Variants in ERC2 observed in about 807,000 individuals in gnomAD.
The protein encoded by ERC2 is ERC protein 2.
In ERC2, 42 loss-of-function variants were observed where a neutral mutation model predicts 114.8. The observed-to-expected ratio is 0.37, with a 90% confidence interval of 0.29 to 0.47. The LOEUF is 0.47. Ranked by LOEUF, ERC2 falls within the 20% of genes least tolerant of loss-of-function variation. ERC2 has a pLI of 0.99. For synonymous variants in ERC2, 454 were observed against 425.5 expected (o/e 1.07, Z -0.82); for missense variants, 939 against 1,150.7 (o/e 0.82, Z 2.66).
intron 14 of ERC2, among the ~76,000 whole-genome samples, chr3:55,879,627 C>T (rs7618265): frequency 8.5e-5 from 13 of 152,110 alleles, no homozygotes; most frequent in Non-Finnish European, 1.5e-4. Context: ...CATACACATA[C>T]ATGTCTGTTA....
intron 2 of ERC2, among the ~76,000 whole-genome samples, chr3:56,418,320 C>T (rs1247477704): frequency 1.4e-5 from 2 of 147,180 alleles, no homozygotes; most frequent in Admixed American, 6.8e-5. Flanking sequence ...AAAAAGGATT[C>T]GGAAAGGGGA....
chr3:56,018,857 C>T, intron 8 of ERC2, 37 bp downstream of exon 8: 1 of 1,602,180 alleles, frequency 6.2e-7, no homozygotes, highest in Non-Finnish European at 8.5e-7. Context: ...TCTGTTTCCC[C>T]ATATCCTGAT....
chr3:56,271,532 CA>C (rs1560497852), intron 3 of ERC2, among the ~76,000 whole-genome samples: 2 of 152,108 alleles, frequency 1.3e-5, no homozygotes, highest in African/African-American at 4.8e-5. Context: ...GAATTAAGTA[CA>C]ATCACGGGCC....
chr3:56,302,834 A>T (rs901779380), intron 2 of ERC2, among the ~76,000 whole-genome samples: 23 of 152,196 alleles, frequency 1.5e-4, no homozygotes, highest in Non-Finnish European at 2.5e-4. Flanking sequence ...TGTGGCTTCC[A>T]TTCCACTGCA....
intron 13 of ERC2, among the ~76,000 whole-genome samples, chr3:55,946,475 A>G (rs1292050953): frequency 1.3e-5 from 2 of 152,190 alleles, no homozygotes; most frequent in Non-Finnish European, 2.9e-5. Flanking sequence ...GATACTCCCA[A>G]TGGTCACTGT....
chr3:55,570,854 G>A (rs750889959), intron 17 of ERC2, among the ~76,000 whole-genome samples: 7 of 152,110 alleles, frequency 4.6e-5, no homozygotes, highest in Non-Finnish European at 7.4e-5. Flanking sequence ...TGGGCCGGGC[G>A]CAGTGGCTCA....
At chr3:55,699,623 A>T (rs2063120311) in intron 15 of ERC2, 111 bp from the exon 16 acceptor site, 2 of 1,197,544 alleles carry the variant, frequency 1.7e-6, no homozygotes, top group Non-Finnish European at 2.2e-6. Context: ...CTAATTCAGG[A>T]ATTTTCACTG....
rs74453391 is a variant in ERC2 at position 55,589,005 on chromosome 3, A to G, written c.*40-77729T>C. On this transcript the variant is annotated intron_variant, in intron 17 of 17. Coordinates refer to ENST00000288221, the MANE Select transcript of ERC2 (RefSeq NM_015576.3). ...AGCATTAAACACAGGCTTTGGAGTC[A>G]GCCGGACCTGAGTTTGAATTCACTT... is the stretch of plus-strand genomic sequence containing the variant. Among the ~76,000 whole-genome samples the G allele has an allele frequency of 6.0e-3, 918 of 152,226 alleles. 6 individuals carry two copies. The highest frequency in any genetic ancestry group is 0.021 in the African/African-American group (865 of 41,522).
At chr3:55,612,941 A>G (rs1416074187) in intron 17 of ERC2, 1 of 152,198 alleles carries the variant, frequency 6.6e-6, no homozygotes, top group African/African-American at 2.4e-5. Flanking sequence ...CTCCCTTCCA[A>G]GAACTCTACT....
At chr3:55,770,957 C>A (rs987297560) in intron 14 of ERC2, among the ~76,000 whole-genome samples, 4 of 152,138 alleles carry the variant, frequency 2.6e-5, no homozygotes, top group Non-Finnish European at 4.4e-5. Context: ...CATCCATGCC[C>A]CTGCCAAGGA....
At chr3:56,188,805 CA>C (rs1356272459) in intron 3 of ERC2, among the ~76,000 whole-genome samples, 1 of 152,176 alleles carries the variant, frequency 6.6e-6, no homozygotes, top group Non-Finnish European at 1.5e-5. Context: ...CAGATTGGGG[CA>C]GTCATGCCTC....
At chr3:56,181,831 C>A (rs966291051) in intron 3 of ERC2, among the ~76,000 whole-genome samples, 6 of 152,194 alleles carry the variant, frequency 3.9e-5, no homozygotes, top group Non-Finnish European at 8.8e-5. Context: ...ATCAAGACAT[C>A]CTATGGTGAG....
intron 6 of ERC2, among the ~76,000 whole-genome samples, chr3:56,123,495 A>AT (rs535427276): frequency 0.031 from 4,651 of 152,188 alleles, 64 homozygotes; most frequent in Middle Eastern, 0.065. Flanking sequence ...GTTTATGGTA[A>AT]TTTTTTTATA....
intron 8 of ERC2, among the ~76,000 whole-genome samples, chr3:56,013,077 T>G (rs2073063783): frequency 6.6e-6 from 1 of 152,148 alleles, no homozygotes; most frequent in Non-Finnish European, 1.5e-5. Context: ...ATAAATACAG[T>G]GGGTTCCATC....
chr3:55,968,174 A>C (rs1299110142), intron 12 of ERC2, among the ~76,000 whole-genome samples: 2 of 152,122 alleles, frequency 1.3e-5, no homozygotes, highest in Non-Finnish European at 2.9e-5. Context: ...GATCTTCTAG[A>C]AAATCAGAGT....
intron 14 of ERC2, among the ~76,000 whole-genome samples, chr3:55,831,865 G>A (rs560015013): frequency 6.6e-6 from 1 of 152,334 alleles, no homozygotes; most frequent in East Asian, 1.9e-4. Context: ...AGAAAGGGGT[G>A]ACAGACGGCA....
intron 2 of ERC2, among the ~76,000 whole-genome samples, chr3:56,329,276 T>A (rs1410751985): frequency 2.0e-5 from 3 of 152,228 alleles, no homozygotes; most frequent in South Asian, 4.1e-4. Flanking sequence ...CTGTCCAATC[T>A]ATAGGCTGTT....
At chr3:56,391,439 T>C (rs2060124422) in intron 2 of ERC2, among the ~76,000 whole-genome samples, 1 of 152,148 alleles carries the variant, frequency 6.6e-6, no homozygotes, top group Non-Finnish European at 1.5e-5. Context: ...ACATCAACTA[T>C]GAGGTATTAC....
chr3:56,135,881 C>A (rs2080474037), intron 6 of ERC2, among the ~76,000 whole-genome samples: 2 of 152,162 alleles, frequency 1.3e-5, no homozygotes, highest in South Asian at 4.1e-4. Flanking sequence ...CTGTGGAATT[C>A]ATGTGTTGGT....
Sources: allele counts gnomAD v4.1 joint callset (sites outside exome capture counted in the v4.1 genomes callset), GRCh38; gene constraint gnomAD v4.1.1; transcripts MANE v1.5; gene names NCBI Gene and HGNC (gene_info 2026-07-23, HGNC 2026-07-21).